Variants in CACNA1C observed in about 807,000 individuals in gnomAD.
The protein encoded by CACNA1C is calcium voltage-gated channel subunit alpha1 C.
Under a neutral mutation model 229.0 loss-of-function variants are expected in CACNA1C, and 30 were observed. The observed-to-expected ratio is 0.13, with a 90% CI of 0.10 to 0.18. The LOEUF (loss-of-function observed/expected upper bound fraction) is 0.18, where lower values mean the gene tolerates loss of function less well. Among genes scored for constraint, CACNA1C ranks in the 10% least tolerant of loss-of-function variants. The pLI is 1.00. For synonymous variants in CACNA1C, 1,114 were observed against 1,132.5 expected, an observed-to-expected ratio of 0.98 and a Z score of 0.33; for missense variants, 1,658 against 2,845.0, an observed-to-expected ratio of 0.58 and a Z score of 9.49.
chr12:2,634,415 C>A, intron 30 of CACNA1C, 35 bp downstream of exon 30: 2 of 1,121,348 alleles, frequency 1.8e-6, no homozygotes, highest in Non-Finnish European at 2.6e-6. Flanking sequence ...ACCGTCCGTG[C>A]CTGCTCTAAC....
At chr12:2,297,166 T>G (rs1178430387) in intron 3 of CACNA1C, among the ~76,000 whole-genome samples, 1 of 152,212 alleles carries the variant, frequency 6.6e-6, no homozygotes, top group East Asian at 1.9e-4. Context: ...AGTGCTGTCC[T>G]GTCAGCCTAC....
At position 2,646,751 on chromosome 12, in the gene CACNA1C, TGAGAGAGAGAGAGAGAAAGA is replaced by T. The variant is rs1355288983; in HGVS notation, c.3913-1707_3913-1688del. Reference sequence around the variant, plus strand: ...GAAATTTCTTCTGTGCATGCCTGTATGAGAGAGAGAGAGAGAAAGAGAGAGAGAGAGAGAGAGAGTGTGTG... The same window carrying T: ...GAAATTTCTTCTGTGCATGCCTGTATGAGAGAGAGAGAGAGAGAGTGTGTG... On this transcript the variant is annotated intron_variant, in intron 30 of 46. Coordinates refer to ENST00000399655, the MANE Select transcript of CACNA1C (RefSeq NM_000719.7). This position sits in a 1 kb window ranked among gnomAD's most constrained non-coding sequence, Gnocchi z 4.6. Among the ~76,000 whole-genome samples the T allele has an allele frequency of 1.8e-4, 20 of 112,864 alleles. No individual in the cohort carries two copies. The highest frequency in any genetic ancestry group is 6.4e-4 in the African/African-American group (17 of 26,598). The allele number at this position is 112,864 out of a possible 152,430, so 74.0% of individuals were successfully genotyped here.
Position 2,677,069 on chromosome 12 carries a change from C to CCT in CACNA1C, c.4829-21_4829-20dup, listed in dbSNP as rs746112363. The stretch of plus-strand genomic sequence containing the variant: ...GAATTCCCCTGCTCCCCTCTTACCC[C>CCT]CTCTCCCCTCTCCATACGTCTCAGA... On this transcript the variant is annotated intron_variant, in intron 39 of 46. Coordinates refer to ENST00000399655, the MANE Select transcript of CACNA1C (RefSeq NM_000719.7). This position sits in a 1 kb window ranked among gnomAD's most constrained non-coding sequence, Gnocchi z 7.4. 1.1e-5 allele frequency: 18 copies of CCT among 1,606,860 alleles called. No individual in the cohort carries two copies. In the Admixed American group the frequency reaches 1.5e-4, roughly 13 times the overall value.
chr12:2,566,393 C>A lies in CACNA1C; in HGVS notation c.1509-29C>A. On this transcript the variant is annotated intron_variant, in intron 11 of 46. Coordinates refer to ENST00000399655, the MANE Select transcript of CACNA1C (RefSeq NM_000719.7). The surrounding 1 kb of genome is among the most constrained non-coding windows in gnomAD (Gnocchi z 4.0). ...AGGAAACCTGAATTCACAGCCAACC[C>A]CACCCTTCTCTCCCTGTCCCCTTTC... is the stretch of plus-strand genomic sequence containing the variant. 1 of 1,555,678 alleles carries A rather than the reference C, an allele frequency of 6.4e-7. No homozygotes were observed. Among genetic ancestry groups the A allele is most frequent in the East Asian group, 2.4e-5 (1 of 41,976 alleles).
At chr12:2,136,387 GC>G (rs1454401938) in intron 3 of CACNA1C, among the ~76,000 whole-genome samples, 1 of 151,370 alleles carries the variant, frequency 6.6e-6, no homozygotes, top group African/African-American at 2.4e-5. Context: ...GAACTAACTT[GC>G]CCAAGTTTGC....
At chr12:2,625,431 C>A (rs1390349450) in intron 29 of CACNA1C, among the ~76,000 whole-genome samples, 1 of 152,200 alleles carries the variant, frequency 6.6e-6, no homozygotes, top group Admixed American at 6.5e-5. Flanking sequence ...TCGGCGATAA[C>A]CCGACCCACC....
rs188025332 is a variant in CACNA1C, at chr12:2,479,215, T to A, written c.758-6889T>A. On this transcript the variant is annotated intron_variant, in intron 5 of 46. Transcript: ENST00000399655. The surrounding 1 kb of genome is among the most constrained non-coding windows in gnomAD (Gnocchi z 4.3). ...TTAAGTTTTTAAAAATTGTTTTAAA[T>A]TTTCTTTTTGTTTTTTAGAGACAGG... Among the ~76,000 whole-genome samples the A allele has an allele frequency of 1.3e-3, 194 of 152,248 alleles. 2 individuals carry two copies. In the East Asian group the frequency reaches 0.034, roughly 26 times the overall value.
intron 1 of CACNA1C, among the ~76,000 whole-genome samples, chr12:1,984,625 T>C (rs1164781477): frequency 6.6e-6 from 1 of 151,990 alleles, no homozygotes; most frequent in Non-Finnish European, 1.5e-5. Flanking sequence ...TTAAAGAATT[T>C]GAGAGGAGAA....
chr12:2,172,831 C>G (rs2096536317), intron 3 of CACNA1C, among the ~76,000 whole-genome samples: 2 of 152,210 alleles, frequency 1.3e-5, no homozygotes, highest in African/African-American at 4.8e-5. Flanking sequence ...CCCTGATGGA[C>G]CTTGTCTGTG....
At chr12:2,454,581 C>CTGTG (rs2099405094) in intron 4 of CACNA1C, among the ~76,000 whole-genome samples, 1 of 152,158 alleles carries the variant, frequency 6.6e-6, no homozygotes, top group African/African-American at 2.4e-5. Flanking sequence ...TGGAAAAACA[C>CTGTG]CAACCCTAAT....
chr12:2,306,163 G>A (rs1283627599), intron 3 of CACNA1C, among the ~76,000 whole-genome samples: 1 of 152,222 alleles, frequency 6.6e-6, no homozygotes, highest in Non-Finnish European at 1.5e-5. Context: ...TCATCCTGTT[G>A]AGTGACAGCC....
intron 3 of CACNA1C, among the ~76,000 whole-genome samples, chr12:2,260,638 G>T (rs2079779708): frequency 6.6e-6 from 1 of 152,184 alleles, no homozygotes; most frequent in South Asian, 2.1e-4. Flanking sequence ...TAGCATCATG[G>T]TTGAGATCAC....
At chr12:2,126,292 A>G (rs914776579) in intron 3 of CACNA1C, among the ~76,000 whole-genome samples, 1 of 152,204 alleles carries the variant, frequency 6.6e-6, no homozygotes, top group Admixed American at 6.5e-5. Flanking sequence ...TTCTTTCTTT[A>G]GATTTAGTGC....
intron 3 of CACNA1C, among the ~76,000 whole-genome samples, chr12:2,361,516 G>A (rs1022371916): frequency 6.6e-6 from 1 of 151,592 alleles, no homozygotes; most frequent in African/African-American, 2.4e-5. Context: ...CCTCCCTTCT[G>A]CCTCCCTCCC....
At chr12:2,259,074 G>A (rs534539730) in intron 3 of CACNA1C, among the ~76,000 whole-genome samples, 1 of 152,326 alleles carries the variant, frequency 6.6e-6, no homozygotes, top group East Asian at 1.9e-4. Context: ...GGAAATCACG[G>A]AACTCAATAT....
intron 3 of CACNA1C, among the ~76,000 whole-genome samples, chr12:2,421,300 G>A (rs978990311): frequency 2.0e-5 from 3 of 152,192 alleles, no homozygotes; most frequent in African/African-American, 4.8e-5. Context: ...CATAGAACAC[G>A]TAAGGGCAAA....
At chr12:2,149,838 C>A (rs1271472151) in intron 3 of CACNA1C, among the ~76,000 whole-genome samples, 1 of 152,150 alleles carries the variant, frequency 6.6e-6, no homozygotes, top group East Asian at 1.9e-4. Flanking sequence ...TGACCTGGGG[C>A]CCAGGCTGAA....
intron 25 of CACNA1C, 69 bp from the exon 26 acceptor site, chr12:2,606,915 G>A: frequency 6.4e-7 from 1 of 1,560,384 alleles, no homozygotes; most frequent in Non-Finnish European, 8.8e-7. Context: ...AGCATTCAAG[G>A]TCACTGGCAG....
chr12:2,208,305 G>A (rs1022188007), intron 3 of CACNA1C, among the ~76,000 whole-genome samples: 1 of 152,228 alleles, frequency 6.6e-6, no homozygotes, highest in Non-Finnish European at 1.5e-5. Flanking sequence ...GTTACAATGT[G>A]CTAAAAGAGA....
Sources: gnomAD v4.1 joint callset for allele counts (sites outside exome capture counted in the v4.1 genomes callset) on GRCh38, gnomAD v4.1.1 for gene constraint, Gnocchi (gnomAD v3.1) non-coding constraint, MANE v1.5 for transcripts, NCBI Gene and HGNC (gene_info 2026-07-23, HGNC 2026-07-21) for gene names.